SSC4D: variants seen among roughly 807,000 people sequenced by gnomAD.
SSC4D encodes the protein scavenger receptor cysteine rich family member with 4 domains.
SSC4D carries 57 observed loss-of-function variants against 63.4 expected under a neutral mutation model. The observed-to-expected ratio is 0.90, with a 90% CI of 0.73 to 1.12. SSC4D has a LOEUF of 1.12. Ranked by LOEUF, SSC4D falls within the 50% of genes most tolerant of loss-of-function variation. The pLI is 0.00. For synonymous variants in SSC4D, 352 were observed against 345.4 expected, an observed-to-expected ratio of 1.02 and a Z score of -0.21; for missense variants, 791 against 806.4, an observed-to-expected ratio of 0.98 and a Z score of 0.23.
Position 76,395,609 on chromosome 7 carries a change from T to C in SSC4D, c.869-279A>G, listed in dbSNP as rs546686542. ...TAATGTCCCATGTTCTCATCAGAAG[T>C]CCTCTGTGTCCAACAGACATGGAGT... On this transcript the variant is annotated intron_variant, in intron 6 of 10. Coordinates refer to ENST00000275560, the MANE Select transcript of SSC4D (RefSeq NM_080744.2). Among the ~76,000 whole-genome samples, 3 of 152,348 alleles carry C rather than the reference T, an allele frequency of 2.0e-5. No individual in the cohort carries two copies. The South Asian group carries it at 6.2e-4, about 32-fold the overall frequency.
Position 76,405,299 on chromosome 7 carries a change from ATATATATATATATATATG to A in SSC4D, c.-66-812_-66-795del, listed in dbSNP as rs1563686867. Among the ~76,000 whole-genome samples, 2 of 48,000 alleles carry A rather than the reference ATATATATATATATATATG, an allele frequency of 4.2e-5. 1 individual carries two copies. Among genetic ancestry groups the A allele is most frequent in the African/African-American group, 2.0e-4 (2 of 9,778 alleles). The allele number at this position is 48,000 out of a possible 152,430, so 31.5% of individuals were successfully genotyped here. ...TATATATATATATATATATATATAT[ATATATATATATATATATG>A]TATTTTTTTCTTTCTTTCTTTCTTT... On this transcript the variant is annotated intron_variant, in intron 1 of 10. Transcript: ENST00000275560.
intron 2 of SSC4D, among the ~76,000 whole-genome samples, chr7:76,401,794 C>G (rs1443654978): frequency 6.6e-6 from 1 of 152,198 alleles, no homozygotes; most frequent in Non-Finnish European, 1.5e-5. Flanking sequence ...GAAGTGCTCT[C>G]TGTTTCCTCT....
chr7:76,393,981 T>C, intron 7 of SSC4D, 77 bp from the exon 8 acceptor site: 1 of 1,437,450 alleles, frequency 7.0e-7, no homozygotes, highest in Non-Finnish European at 9.5e-7. Context: ...CGGGGACGCC[T>C]ACCAAGACCC....
intron 9 of SSC4D, 96 bp downstream of exon 9, chr7:76,393,309 T>C (rs1445385094): frequency 4.9e-6 from 6 of 1,217,174 alleles, no homozygotes; most frequent in Non-Finnish European, 4.1e-6. Flanking sequence ...CGGGCGGCAG[T>C]GCCGCAAGAG....
rs765504064 is a variant in SSC4D at position 76,405,323 on chromosome 7, T to TTTTC, written c.-66-822_-66-819dup. 1.5e-3 allele frequency among the ~76,000 whole-genome samples: 43 copies of TTTTC among 29,176 alleles called. 6 individuals carry two copies. The highest frequency in any genetic ancestry group is 8.3e-3 in the African/African-American group (41 of 4,924). The allele number at this position is 29,176 out of a possible 152,430, so 19.1% of individuals were successfully genotyped here. On this transcript the variant is annotated intron_variant, in intron 1 of 10. Coordinates refer to ENST00000275560, the MANE Select transcript of SSC4D (RefSeq NM_080744.2). The stretch of plus-strand genomic sequence containing the variant: ...TATATATATATATATATATGTATTT[T>TTTTC]TTTCTTTCTTTCTTTCTTTTTTTTT...
At chr7:76,406,174 C>T (rs1378689203) in intron 1 of SSC4D, among the ~76,000 whole-genome samples, 2 of 151,922 alleles carry the variant, frequency 1.3e-5, no homozygotes, top group African/African-American at 2.4e-5. Flanking sequence ...GATGGGTTTT[C>T]GCCATGTTGG....
intron 1 of SSC4D, among the ~76,000 whole-genome samples, chr7:76,407,223 AGTGCTGGAATTACAG>A (rs1265165914): frequency 6.6e-6 from 1 of 152,206 alleles, no homozygotes; most frequent in Non-Finnish European, 1.5e-5. Flanking sequence ...GGTCTCCCAA[AGTGCTGGAATTACAG>A]GTGTGAGCCA....
Position 76,390,197 on chromosome 7 carries a change from T to C in SSC4D, c.1590A>G (p.Pro530=). The C allele has an allele frequency of 1.9e-6, 3 of 1,614,202 alleles. No individual in the cohort carries two copies. Among genetic ancestry groups the C allele is most frequent in the Non-Finnish European group, 2.5e-6 (3 of 1,180,036 alleles). The change falls in exon 11 of 11, where the codon CCA becomes CCG. Residue 530 remains proline (P), a synonymous_variant. Transcript: ENST00000275560. ...TGTCCAGGAGAATGGGGCCTCGGCC[T>C]GGGCCAAAGTGAGCCTCGCCAGGGG... is the stretch of plus-strand genomic sequence containing the variant. ...LAAPGEAHFG[P]GRGPILLDNV...
chr7:76,394,556 G>A (rs1804585429), intron 7 of SSC4D, among the ~76,000 whole-genome samples: 1 of 150,870 alleles, frequency 6.6e-6, no homozygotes, highest in South Asian at 2.1e-4. Flanking sequence ...GATTACAGGC[G>A]CCCGGCTAAT....
At chr7:76,396,382 G>A (rs1418201989) in intron 6 of SSC4D, among the ~76,000 whole-genome samples, 1 of 152,174 alleles carries the variant, frequency 6.6e-6, no homozygotes, top group African/African-American at 2.4e-5. Context: ...TAAAATATCT[G>A]CATAATCCAC....
chr7:76,397,805 C>T lies in SSC4D; in HGVS notation c.581G>A (p.Gly194Asp). Residue 194 changes from glycine (G) to aspartate (D), a missense_variant, in exon 6 of 11, where the codon GGC becomes GAC. Gly to Asp is a moderately conservative substitution (Grantham distance 94). Coordinates refer to ENST00000275560, the MANE Select transcript of SSC4D (RefSeq NM_080744.2). ...KSEGSVRLVG[G>D]ANLCQGRVEI... Reference sequence around the variant, plus strand: ...CACTCGGCCCTGACACAGGTTCGCGCCCCCTACCAGGCGTACGCTGCCCTC... The same window carrying T: ...CACTCGGCCCTGACACAGGTTCGCGTCCCCTACCAGGCGTACGCTGCCCTC... 6.3e-7 allele frequency: 1 copy of T among 1,597,884 alleles called. No homozygotes were observed. Among genetic ancestry groups the T allele is most frequent in the Non-Finnish European group, 8.5e-7 (1 of 1,170,184 alleles).
At chr7:76,395,403 G>A (rs1804613715) in intron 6 of SSC4D, 73 bp from the exon 7 acceptor site, 1 of 1,468,272 alleles carries the variant, frequency 6.8e-7, no homozygotes, top group Admixed American at 1.8e-5. Flanking sequence ...GCTGTCAGGG[G>A]AGGATAGGAG....
intron 4 of SSC4D, among the ~76,000 whole-genome samples, chr7:76,399,467 A>G (rs1019800920): frequency 5.3e-5 from 8 of 152,142 alleles, no homozygotes; most frequent in African/African-American, 1.9e-4. Context: ...AACTAGAAGC[A>G]CTGCTCTCAG....
intron 4 of SSC4D, among the ~76,000 whole-genome samples, chr7:76,400,012 T>C (rs977827356): frequency 6.6e-6 from 1 of 152,112 alleles, no homozygotes; most frequent in African/African-American, 2.4e-5. Context: ...AAAAAATTTT[T>C]TTTAAAGGGA....
At chr7:76,402,061 C>A (rs1030915671) in intron 2 of SSC4D, among the ~76,000 whole-genome samples, 1 of 151,970 alleles carries the variant, frequency 6.6e-6, no homozygotes, top group Non-Finnish European at 1.5e-5. Flanking sequence ...AGTCTGTCAC[C>A]CAGCCTGGAG....
At chr7:76,408,070 G>C (rs760972196) in intron 1 of SSC4D, among the ~76,000 whole-genome samples, 7 of 152,222 alleles carry the variant, frequency 4.6e-5, no homozygotes, top group Non-Finnish European at 8.8e-5. Context: ...CAGCCACCCT[G>C]ATGGGGACTT....
chr7:76,406,341 A>C (rs1002727287), intron 1 of SSC4D, among the ~76,000 whole-genome samples: 2 of 152,278 alleles, frequency 1.3e-5, no homozygotes, highest in South Asian at 4.1e-4. Flanking sequence ...GAGGATATAG[A>C]TACTCATGTA....
Position 76,393,282 on chromosome 7 carries a change from G to T in SSC4D, c.1333+123C>A, listed in dbSNP as rs1172518723. On this transcript the variant is annotated intron_variant, in intron 9 of 10. Coordinates refer to ENST00000275560, the MANE Select transcript of SSC4D (RefSeq NM_080744.2). ...GCACGGCGGGGCGGCGCCCCTCTGC[G>T]GAGTGCGCATGCTCCCCGGGCGGCA... 1.3e-5 allele frequency: 14 copies of T among 1,055,334 alleles called. No individual in the cohort carries two copies. The South Asian group carries it at 5.3e-4, about 40-fold the overall frequency. 65.4% of individuals were successfully genotyped at this position (1,055,334 alleles called of 1,614,324 possible).
chr7:76,406,439 C>T (rs1238026419), intron 1 of SSC4D, among the ~76,000 whole-genome samples: 1 of 151,972 alleles, frequency 6.6e-6, no homozygotes, highest in Non-Finnish European at 1.5e-5. Flanking sequence ...AATATAGTCT[C>T]CCTTTCAAAT....
Sources: allele counts gnomAD v4.1 joint callset (sites outside exome capture counted in the v4.1 genomes callset), GRCh38; gene constraint gnomAD v4.1.1; transcripts MANE v1.5; gene names NCBI Gene and HGNC (gene_info 2026-07-23, HGNC 2026-07-21).